MALRD1: variants seen among roughly 807,000 people sequenced by gnomAD.
MALRD1 encodes MAM and LDL receptor class A domain containing 1, also known as MAM and LDL-receptor class A domain-containing protein 1.
A neutral mutation model predicts 242.1 loss-of-function variants in MALRD1; 247 were observed. The ratio of observed to expected loss-of-function variants is 1.02; its 90% CI spans 0.92 to 1.13. The LOEUF is 1.13. MALRD1 is among the 50% of genes most tolerant of loss of function. MALRD1 has a pLI of 0.00. For missense variants in MALRD1, 2,989 were observed against 2,533.1 expected, an observed-to-expected ratio of 1.18 and a Z score of -3.86; for synonymous variants, 995 against 866.6, an observed-to-expected ratio of 1.15 and a Z score of -2.60.
rs369566644 is a variant in MALRD1 at position 19,561,787 on chromosome 10, C to T, written c.5479-5715C>T. On this transcript the variant is annotated intron_variant, in intron 32 of 39. Coordinates refer to ENST00000454679, the MANE Select transcript of MALRD1 (RefSeq NM_001142308.3). Reference sequence around the variant, plus strand: ...ATGCCTGGAACTGGTTATTTCCCTTCTCCCCCATGGAGAACTAGAGGGGAT... The same window carrying T: ...ATGCCTGGAACTGGTTATTTCCCTTTTCCCCCATGGAGAACTAGAGGGGAT... Among the ~76,000 whole-genome samples, 14 of 151,736 alleles carry T rather than the reference C, an allele frequency of 9.2e-5. No individual in the cohort carries two copies. In the East Asian group the frequency reaches 1.6e-3, roughly 17 times the overall value.
intron 29 of MALRD1, among the ~76,000 whole-genome samples, chr10:19,462,795 T>G (rs1836011277): frequency 6.6e-6 from 1 of 151,954 alleles, no homozygotes; most frequent in African/African-American, 2.4e-5. Flanking sequence ...ACAGTGAGAG[T>G]GGAGACGGAG....
At chr10:19,240,564 C>A (rs1368605479) in intron 18 of MALRD1, among the ~76,000 whole-genome samples, 1 of 151,946 alleles carries the variant, frequency 6.6e-6, no homozygotes, top group Admixed American at 6.6e-5. Flanking sequence ...TTATTTATTT[C>A]TTTTGTCTAA....
intron 29 of MALRD1, among the ~76,000 whole-genome samples, chr10:19,474,669 G>A (rs4598552): frequency 0.86 from 130,941 of 151,910 alleles, 56,596 homozygotes; most frequent in East Asian, 1. Context: ...ATAATATAAA[G>A]TATTATTTAT....
At chr10:19,279,463 A>G (rs1258388389) in intron 19 of MALRD1, among the ~76,000 whole-genome samples, 6 of 152,166 alleles carry the variant, frequency 3.9e-5, no homozygotes, top group African/African-American at 1.4e-4. Flanking sequence ...CATGTTATCA[A>G]TACATGTTTA....
intron 2 of MALRD1, among the ~76,000 whole-genome samples, chr10:19,080,839 G>T (rs1270434596): frequency 6.6e-6 from 1 of 151,964 alleles, no homozygotes; most frequent in Admixed American, 6.6e-5. Context: ...AAAACCTACA[G>T]AATGGGAGAA....
At chr10:19,384,954 T>G (rs547999770) in intron 26 of MALRD1, among the ~76,000 whole-genome samples, 1 of 151,664 alleles carries the variant, frequency 6.6e-6, no homozygotes, top group African/African-American at 2.4e-5. Context: ...ATGTATAGTT[T>G]AAGAGATTTT....
At chr10:19,084,223 A>G (rs1043581570) in intron 2 of MALRD1, among the ~76,000 whole-genome samples, 4 of 151,996 alleles carry the variant, frequency 2.6e-5, no homozygotes, top group African/African-American at 4.8e-5. Flanking sequence ...TTCAAAGGAA[A>G]CAGAATTTAA....
Position 19,251,597 on chromosome 10 carries a change from G to A in MALRD1, c.2992-6087G>A, listed in dbSNP as rs185649044. Among the ~76,000 whole-genome samples, 10 of 152,012 alleles carry A rather than the reference G, an allele frequency of 6.6e-5. No homozygotes were observed. The East Asian group carries it at 1.2e-3, about 18-fold the overall frequency. On this transcript the variant is annotated intron_variant, in intron 18 of 39. Transcript: ENST00000454679. Reference sequence around the variant, plus strand: ...ATCAGTGTATATATATGAAATAGTGGCAAATTTACTCATTAGCTTCCAAGT... The same window carrying A: ...ATCAGTGTATATATATGAAATAGTGACAAATTTACTCATTAGCTTCCAAGT...
intron 32 of MALRD1, among the ~76,000 whole-genome samples, chr10:19,562,987 C>G (rs1462144875): frequency 2.0e-5 from 3 of 152,172 alleles, no homozygotes; most frequent in Non-Finnish European, 2.9e-5. Flanking sequence ...GATCACTGCT[C>G]TAATGGATCT....
chr10:19,581,527 T>C (rs1393886987), intron 33 of MALRD1, among the ~76,000 whole-genome samples: 1 of 151,386 alleles, frequency 6.6e-6, no homozygotes, highest in Non-Finnish European at 1.5e-5. Flanking sequence ...ATTTCATCCA[T>C]GTCCCTACAA....
intron 18 of MALRD1, among the ~76,000 whole-genome samples, chr10:19,218,266 A>G (rs75519521): frequency 0.063 from 9,582 of 152,238 alleles, 337 homozygotes; most frequent in African/African-American, 0.087. Flanking sequence ...ATTCACGCCA[A>G]TTATGACAGG....
intron 13 of MALRD1, among the ~76,000 whole-genome samples, chr10:19,172,291 G>A (rs1835049161): frequency 8.1e-6 from 1 of 122,774 alleles, no homozygotes; most frequent in Non-Finnish European, 1.9e-5. Context: ...CCATGAGATG[G>A]TCATTATTTA....
At chr10:19,549,299 G>A (rs1258051643) in intron 32 of MALRD1, among the ~76,000 whole-genome samples, 2 of 152,216 alleles carry the variant, frequency 1.3e-5, no homozygotes, top group Non-Finnish European at 2.9e-5. Context: ...GCAGGTTGGA[G>A]GAGGATTGAC....
intron 30 of MALRD1, among the ~76,000 whole-genome samples, chr10:19,495,157 A>G (rs1837656611): frequency 6.6e-6 from 1 of 151,952 alleles, no homozygotes; most frequent in African/African-American, 2.4e-5. Flanking sequence ...TTCTATTTTT[A>G]GTAGAGATGG....
At chr10:19,362,889 G>A (rs1844950225) in intron 26 of MALRD1, among the ~76,000 whole-genome samples, 1 of 152,022 alleles carries the variant, frequency 6.6e-6, no homozygotes, top group African/African-American at 2.4e-5. Flanking sequence ...ATAGCAAGAG[G>A]TGGTTAAGTG....
intron 7 of MALRD1, among the ~76,000 whole-genome samples, chr10:19,126,713 T>G (rs1837294848): frequency 6.6e-6 from 1 of 151,804 alleles, no homozygotes; most frequent in Non-Finnish European, 1.5e-5. Context: ...TATTTTTTAT[T>G]TTTTTTTATT....
chr10:19,319,653 C>G (rs1339001972), intron 21 of MALRD1, among the ~76,000 whole-genome samples: 1 of 151,936 alleles, frequency 6.6e-6, no homozygotes, highest in Non-Finnish European at 1.5e-5. Flanking sequence ...CTGGTGAGGG[C>G]CTATTTCCTC....
At chr10:19,311,404 G>T (rs545686087) in intron 21 of MALRD1, among the ~76,000 whole-genome samples, 1 of 151,294 alleles carries the variant, frequency 6.6e-6, no homozygotes, top group Non-Finnish European at 1.5e-5. Context: ...TAAATTTCCT[G>T]CTGGTGTTTA....
Position 19,645,587 on chromosome 10 carries a change from G to A in MALRD1, c.6137+29664G>A, listed in dbSNP as rs183418090. Among the ~76,000 whole-genome samples, 641 of 152,206 alleles carry A rather than the reference G, an allele frequency of 4.2e-3. 8 individuals carry two copies. The highest frequency in any genetic ancestry group is 0.031 in the Admixed American group (469 of 15,284). On this transcript the variant is annotated intron_variant, in intron 36 of 39. Coordinates refer to ENST00000454679, the MANE Select transcript of MALRD1 (RefSeq NM_001142308.3). The stretch of plus-strand genomic sequence containing the variant: ...GTTCATGTCCTTTGTAGGGACATGG[G>A]TGAAGCTGGAAACCATCATTCTCAG...
Sources: gnomAD v4.1 joint callset for allele counts (sites outside exome capture counted in the v4.1 genomes callset) on GRCh38, gnomAD v4.1.1 for gene constraint, MANE v1.5 for transcripts, NCBI Gene and HGNC (gene_info 2026-07-23, HGNC 2026-07-21) for gene names.